The following WDR4 variants were observed in gnomAD, a reference collection of about 807,000 sequenced individuals.
WDR4 encodes the protein WDR4 tRNA N7-guanosine methyltransferase non-catalytic subunit.
Under a neutral mutation model 48.6 loss-of-function variants are expected in WDR4, and 47 were observed. The observed-to-expected ratio is 0.97, with a 90% CI of 0.77 to 1.23. WDR4 has a LOEUF of 1.23. Among genes scored for constraint, WDR4 ranks in the 50% most tolerant of loss-of-function variants. The pLI is 0.00. For missense variants in WDR4, 606 were observed against 551.6 expected, an observed-to-expected ratio of 1.10 and a Z score of -0.99; for synonymous variants, 268 against 230.0, an observed-to-expected ratio of 1.17 and a Z score of -1.49.
At chr21:42,846,465 G>A (rs1273170900), downstream of WDR4, among the ~76,000 whole-genome samples, 2 of 152,240 alleles carry the variant, frequency 1.3e-5, no homozygotes, top group African/African-American at 2.4e-5. Flanking sequence ...CTCGTGGGTA[G>A]TCACACACGT....
intron 2 of WDR4, among the ~76,000 whole-genome samples, chr21:42,876,463 C>T (rs574649601): frequency 6.6e-6 from 1 of 152,262 alleles, no homozygotes; most frequent in Non-Finnish European, 1.5e-5. Flanking sequence ...ATCCACCCAC[C>T]TTGGCCTCCC....
chr21:42,855,904 G>A (rs2057978366), intron 6 of WDR4, 124 bp from the exon 7 acceptor site: 1 of 621,980 alleles, frequency 1.6e-6, no homozygotes, highest in Non-Finnish European at 2.6e-6. Context: ...CCACCCTCAG[G>A]AATTAAAGGC....
At chr21:42,882,284 C>T (rs926908401), upstream of WDR4, among the ~76,000 whole-genome samples, 6 of 147,698 alleles carry the variant, frequency 4.1e-5, no homozygotes, top group East Asian at 2.2e-4. Context: ...ATGGATTGGC[C>T]GGGTGCAGTG....
chr21:42,885,306 T>C, the WDR4 span, among the ~76,000 whole-genome samples: 5 of 152,130 alleles, frequency 3.3e-5, no homozygotes, highest in African/African-American at 9.7e-5. Context: ...CCTTTATTAC[T>C]TCCATATAAA....
upstream of WDR4, among the ~76,000 whole-genome samples, chr21:42,880,496 A>G (rs2058599105): frequency 6.6e-6 from 1 of 152,198 alleles, no homozygotes; most frequent in African/African-American, 2.4e-5. Context: ...GATAACCACA[A>G]TAAATACTTG....
At chr21:42,870,653 G>A (rs2058350946) in intron 3 of WDR4, among the ~76,000 whole-genome samples, 1 of 152,156 alleles carries the variant, frequency 6.6e-6, no homozygotes, top group South Asian at 2.1e-4. Flanking sequence ...GCCAGACGTG[G>A]TGGCACATGC....
At position 42,862,434 on chromosome 21, in the gene WDR4, T is replaced by A. The variant is rs751576892; in HGVS notation, c.454-40A>T. ...GCCAGAAAAGAAAAAGCCGCTCACC[T>A]GAGTCTTCCCGAATCAAGTCCCTCA... On this transcript the variant is annotated intron_variant, in intron 4 of 10. Transcript: ENST00000398208. The surrounding 1 kb of genome is among the most constrained non-coding windows in gnomAD (Gnocchi z 4.3). The A allele has an allele frequency of 1.3e-6, 2 of 1,534,176 alleles. No homozygotes were observed. Among genetic ancestry groups the A allele is most frequent in the Non-Finnish European group, 8.8e-7 (1 of 1,130,732 alleles).
rs546895498 is a variant in WDR4, at chr21:42,864,536, C to G, written c.297-940G>C. On this transcript the variant is annotated intron_variant, in intron 3 of 10. Transcript: ENST00000398208. ...AGCAGTGAGGCAGCACCCTACCCTC[C>G]TCGGGAGGAAGCTCGGTTATCCAGC... Among the ~76,000 whole-genome samples the G allele has an allele frequency of 2.4e-3, 362 of 152,326 alleles. 2 individuals carry two copies. The highest frequency in any genetic ancestry group is 3.8e-3 in the Non-Finnish European group (257 of 68,032).
At chr21:42,847,884 CAA>C (rs2057724900), downstream of WDR4, among the ~76,000 whole-genome samples, 1 of 152,160 alleles carries the variant, frequency 6.6e-6, no homozygotes, top group Admixed American at 6.5e-5. Context: ...CTCCTAAAAC[CAA>C]GACTTTCAAA....
chr21:42,889,272 T>C, the WDR4 span, among the ~76,000 whole-genome samples: 2 of 152,062 alleles, frequency 1.3e-5, no homozygotes, highest in African/African-American at 4.8e-5. Context: ...CTTGAGCCAC[T>C]GCGCCTGGCC....
chr21:42,879,593 G>T (rs1384899108), upstream of WDR4: 3 of 1,456,510 alleles, frequency 2.1e-6, no homozygotes, highest in Non-Finnish European at 2.8e-6. Context: ...GAGAGATGAC[G>T]TATACCCCAC....
the WDR4 span, among the ~76,000 whole-genome samples, chr21:42,885,789 G>A: frequency 6.6e-6 from 1 of 152,032 alleles, no homozygotes; most frequent in African/African-American, 2.4e-5. Context: ...TGACCTCCTC[G>A]GCTCAAGTGG....
chr21:42,847,052 G>C (rs1173548780), downstream of WDR4, among the ~76,000 whole-genome samples: 2 of 151,264 alleles, frequency 1.3e-5, no homozygotes, highest in East Asian at 1.9e-4. Flanking sequence ...AAAAAAACCA[G>C]ATACAATGAC....
At chr21:42,867,386 G>A (rs1013714826) in intron 3 of WDR4, among the ~76,000 whole-genome samples, 3 of 128,244 alleles carry the variant, frequency 2.3e-5, no homozygotes, top group Non-Finnish European at 4.8e-5. Context: ...GAGACACTCC[G>A]CTCCACCAAA....
intron 2 of WDR4, 152 bp from the exon 3 acceptor site, chr21:42,873,843 G>C: frequency 3.4e-6 from 3 of 895,084 alleles, no homozygotes; most frequent in Non-Finnish European, 5.0e-6. Context: ...AAGGGACATG[G>C]GGAAGTTCAA....
intron 11 of WDR4, among the ~76,000 whole-genome samples, chr21:42,843,916 C>T (rs2145975580): frequency 6.6e-6 from 1 of 152,250 alleles, no homozygotes; most frequent in South Asian, 2.1e-4. Context: ...GTCTCAAACT[C>T]CTGGGCTCAA....
chr21:42,863,281 C>G (rs1446845506), intron 4 of WDR4, among the ~76,000 whole-genome samples, 159 bp downstream of exon 4: 2 of 152,222 alleles, frequency 1.3e-5, no homozygotes, highest in Non-Finnish European at 2.9e-5. Flanking sequence ...GCCTGTACCC[C>G]ACATACCATG....
At chr21:42,856,483 C>A (rs1296814679) in intron 6 of WDR4, among the ~76,000 whole-genome samples, 2 of 152,138 alleles carry the variant, frequency 1.3e-5, no homozygotes, top group Non-Finnish European at 2.9e-5. Context: ...TGGCTCACTG[C>A]AGCCTCTGAC....
At chr21:42,875,680 C>G (rs974756162) in intron 2 of WDR4, among the ~76,000 whole-genome samples, 4 of 152,090 alleles carry the variant, frequency 2.6e-5, no homozygotes, top group Admixed American at 6.5e-5. Context: ...GCACTCCAAC[C>G]GGGGTAACAG....
Sources: allele counts gnomAD v4.1 joint callset (sites outside exome capture counted in the v4.1 genomes callset), GRCh38; gene constraint gnomAD v4.1.1; non-coding constraint Gnocchi (gnomAD v3.1); transcripts MANE v1.5; gene names NCBI Gene and HGNC (gene_info 2026-07-23, HGNC 2026-07-21).